UBR1: variants seen among roughly 807,000 people sequenced by gnomAD.
UBR1 encodes the protein E3 ubiquitin-protein ligase UBR1.
In UBR1, 102 loss-of-function variants were observed where a neutral mutation model predicts 242.1. The ratio of observed to expected loss-of-function variants is 0.42; its 90% confidence interval spans 0.36 to 0.50. The LOEUF is 0.50. Among genes scored for constraint, UBR1 ranks in the 20% least tolerant of loss-of-function variants. The pLI, the probability that UBR1 is intolerant of heterozygous loss-of-function variation, is 0.01. For synonymous variants in UBR1, 675 were observed against 684.8 expected, an observed-to-expected ratio of 0.99 and a Z score of 0.22; for missense variants, 1,772 against 2,101.8, an observed-to-expected ratio of 0.84 and a Z score of 3.07.
At chr15:42,966,050 G>A (rs985612782) in intron 41 of UBR1, 103 bp downstream of exon 41, 1 of 1,534,844 alleles carries the variant, frequency 6.5e-7, no homozygotes, top group Non-Finnish European at 8.9e-7. Flanking sequence ...AATGGGGAGA[G>A]GAGAAGTGGT....
At chr15:43,101,695 G>A (rs2034237070) in intron 1 of UBR1, among the ~76,000 whole-genome samples, 3 of 152,024 alleles carry the variant, frequency 2.0e-5, no homozygotes, top group South Asian at 2.1e-4. Flanking sequence ...GGCTGGGCAC[G>A]GTGGCTCATG....
In UBR1 at chr15:43,024,870, C is replaced by T. The variant is rs546372560; in HGVS notation, c.2698G>A (p.Asp900Asn). The T allele has an allele frequency of 6.2e-7, 1 of 1,614,178 alleles. No homozygotes were observed. The highest frequency in any genetic ancestry group is 1.1e-5 in the South Asian group (1 of 91,078). ...TCGGTCCACAAGTTAGAATCTGTGT[C>T]TATTGCCCGCTCAAATACGGTCCTG... ...ILRTVFERAI[D>N]TDSNLWTEGM... The change falls in exon 25 of 47, where the codon GAC becomes AAC. Residue 900 changes from aspartate (D) to asparagine (N), a missense_variant. By Grantham distance (23) the Asp-to-Asn change is conservative. Around this residue, in one of 3 missense-constraint regions of UBR1, gnomAD observed 965 missense variants for 1,079.7 expected, o/e 0.89. Coordinates refer to ENST00000290650, the MANE Select transcript of UBR1 (RefSeq NM_174916.3).
chr15:42,978,310 C>CTG (rs1379306491), intron 37 of UBR1, among the ~76,000 whole-genome samples: 1 of 152,150 alleles, frequency 6.6e-6, no homozygotes, highest in Non-Finnish European at 1.5e-5. Flanking sequence ...TCTAAACGTT[C>CTG]TGTGATACAT....
chr15:43,051,620 C>T (rs571435204), intron 12 of UBR1, among the ~76,000 whole-genome samples: 1 of 152,286 alleles, frequency 6.6e-6, no homozygotes, highest in Admixed American at 6.5e-5. Context: ...AGATGATTTG[C>T]ATTCACATTA....
intron 30 of UBR1, among the ~76,000 whole-genome samples, chr15:43,006,425 T>C (rs1320917442): frequency 2.0e-5 from 3 of 152,214 alleles, no homozygotes; most frequent in Non-Finnish European, 2.9e-5. Flanking sequence ...CACAGGCTCA[T>C]GCAACCATGC....
intron 12 of UBR1, 58 bp downstream of exon 12, chr15:43,054,684 A>G (rs963103632): frequency 5.1e-6 from 8 of 1,579,540 alleles, no homozygotes; most frequent in Non-Finnish European, 7.0e-6. Context: ...TATAAGACAC[A>G]GCAAATAAGC....
At chr15:43,052,096 A>G (rs2033564384) in intron 12 of UBR1, among the ~76,000 whole-genome samples, 1 of 152,230 alleles carries the variant, frequency 6.6e-6, no homozygotes, top group Non-Finnish European at 1.5e-5. Context: ...GAGAGGTAGC[A>G]ATCCCTCCCT....
chr15:43,053,457 G>A (rs1195297948), intron 12 of UBR1, among the ~76,000 whole-genome samples: 1 of 152,058 alleles, frequency 6.6e-6, no homozygotes, highest in Non-Finnish European at 1.5e-5. Context: ...AGGAGTTTTT[G>A]TTTTGTACAA....
chr15:42,974,066 T>C (rs2032250220), intron 39 of UBR1, among the ~76,000 whole-genome samples: 1 of 151,994 alleles, frequency 6.6e-6, no homozygotes, highest in Admixed American at 6.6e-5. Context: ...TTTTTTGTAT[T>C]TTTAGTAGAG....
At chr15:43,052,922 T>A (rs1441465868) in intron 12 of UBR1, among the ~76,000 whole-genome samples, 1 of 152,204 alleles carries the variant, frequency 6.6e-6, no homozygotes, top group Non-Finnish European at 1.5e-5. Flanking sequence ...TTCTGCCACT[T>A]ACTAGGTTTG....
chr15:43,076,106 C>T (rs1330255796), intron 3 of UBR1, among the ~76,000 whole-genome samples: 3 of 151,866 alleles, frequency 2.0e-5, no homozygotes, highest in Non-Finnish European at 4.4e-5. Flanking sequence ...TGCAGAGTGC[C>T]TGCGATTGCA....
intron 39 of UBR1, 44 bp from the exon 40 acceptor site, chr15:42,970,651 A>G (rs1170056658): frequency 1.9e-6 from 3 of 1,543,248 alleles, no homozygotes; most frequent in Non-Finnish European, 2.7e-6. Context: ...TTTGCTATTC[A>G]GTTTACAAAT....
At chr15:43,044,217 C>T (rs750114047) in intron 14 of UBR1, among the ~76,000 whole-genome samples, 3 of 152,158 alleles carry the variant, frequency 2.0e-5, no homozygotes, top group Admixed American at 2.0e-4. Context: ...TGATGGAGTC[C>T]GCAGTGTAAT....
rs1282285649 is a variant in UBR1, at chr15:42,952,345, C to T, written c.4939G>A (p.Gly1647Arg). The change falls in exon 45 of 47, where the codon GGG (glycine) becomes AGG (arginine). Residue 1647 changes from glycine to arginine, a missense_variant. Transcript: ENST00000290650. ...QNICCQEIVN[G>R]EEVGACIFHA... ...AAAATGCAAGCTCCAACCTCTTCCC[C>T]GTTCACAATTTCCTGGCAGCAAATG... is the stretch of plus-strand genomic sequence containing the variant. 6.2e-6 allele frequency: 10 copies of T among 1,614,088 alleles called. No homozygotes were observed. Among genetic ancestry groups the T allele is most frequent in the Admixed American group, 1.7e-5 (1 of 59,996 alleles).
chr15:42,993,951 T>C (rs1201459254), intron 33 of UBR1, among the ~76,000 whole-genome samples: 2 of 152,342 alleles, frequency 1.3e-5, no homozygotes, highest in African/African-American at 2.4e-5. Context: ...TTGTCTCTTT[T>C]GGGCTATGAG....
At chr15:42,989,185 A>C (rs2032519275) in intron 34 of UBR1, among the ~76,000 whole-genome samples, 2 of 152,252 alleles carry the variant, frequency 1.3e-5, no homozygotes, top group African/African-American at 4.8e-5. Context: ...AACAGCTCTT[A>C]TAAAATGCTA....
chr15:43,033,792 G>A (rs988191752), intron 19 of UBR1, among the ~76,000 whole-genome samples: 6 of 152,134 alleles, frequency 3.9e-5, no homozygotes, highest in Non-Finnish European at 8.8e-5. Flanking sequence ...TTATAGGCTG[G>A]TACTTCAAAT....
intron 39 of UBR1, among the ~76,000 whole-genome samples, chr15:42,975,442 TG>T (rs958813812): frequency 2.2e-4 from 21 of 93,610 alleles, no homozygotes; most frequent in Admixed American, 5.1e-4. Flanking sequence ...AAATTGTTTC[TG>T]TTTTTTTTGA....
At chr15:43,069,435 C>T (rs986783777) in intron 5 of UBR1, among the ~76,000 whole-genome samples, 13 of 152,204 alleles carry the variant, frequency 8.5e-5, no homozygotes, top group Non-Finnish European at 1.8e-4. Context: ...CGCCATGATG[C>T]CCAGCTAATT....
Sources: gnomAD v4.1 joint callset for allele counts (sites outside exome capture counted in the v4.1 genomes callset) on GRCh38, gnomAD v4.1.1 for gene constraint, gnomAD v4.1.1 regional missense constraint, MANE v1.5 for transcripts, NCBI Gene and HGNC (gene_info 2026-07-23, HGNC 2026-07-21) for gene names.